The following AFG2A variants were observed in gnomAD, a reference collection of about 807,000 sequenced individuals.
AFG2A encodes the protein AAA ATPase AFG2A.
chr4:123,027,090 A>G, the AFG2A span, among the ~76,000 whole-genome samples: 5 of 152,034 alleles, frequency 3.3e-5, no homozygotes, highest in Admixed American at 2.6e-4. Flanking sequence ...AGTTTTCAGT[A>G]TCTGCATGTG....
the AFG2A span, among the ~76,000 whole-genome samples, chr4:123,016,527 G>A: frequency 4.6e-5 from 7 of 151,380 alleles, no homozygotes; most frequent in Non-Finnish European, 7.4e-5. Flanking sequence ...GACGATGGGC[G>A]GCTGGGCAGA....
the AFG2A span, among the ~76,000 whole-genome samples, chr4:123,238,338 G>A: frequency 8.5e-5 from 13 of 152,328 alleles, no homozygotes; most frequent in Admixed American, 4.6e-4. Context: ...CTCCCAGCAC[G>A]GCATTTGAGC....
At chr4:123,111,213 T>A in the AFG2A span, among the ~76,000 whole-genome samples, 3 of 152,204 alleles carry the variant, frequency 2.0e-5, no homozygotes, top group Admixed American at 6.5e-5. Flanking sequence ...GTATTTGGCC[T>A]TATATAGCTG....
At chr4:122,991,200 G>T in the AFG2A span, among the ~76,000 whole-genome samples, 2 of 152,132 alleles carry the variant, frequency 1.3e-5, no homozygotes, top group South Asian at 2.1e-4. Context: ...TAAAAGAAAT[G>T]GAATCAGTTT....
the AFG2A span, among the ~76,000 whole-genome samples, chr4:123,308,152 A>G: frequency 1.3e-5 from 2 of 152,328 alleles, no homozygotes; most frequent in South Asian, 4.1e-4. Context: ...GCATCTCTCA[A>G]AAATAACAAA....
At chr4:122,968,250 T>A in the AFG2A span, among the ~76,000 whole-genome samples, 1 of 152,230 alleles carries the variant, frequency 6.6e-6, no homozygotes, top group Non-Finnish European at 1.5e-5. Flanking sequence ...AGTTTTTTTT[T>A]ACTTGCGCCA....
chr4:123,246,954 T>C, the AFG2A span, among the ~76,000 whole-genome samples: 1 of 152,220 alleles, frequency 6.6e-6, no homozygotes, highest in Non-Finnish European at 1.5e-5. Flanking sequence ...TGAAGCTCTT[T>C]GTTTCCAATT....
At chr4:122,949,086 A>C in the AFG2A span, among the ~76,000 whole-genome samples, 25 of 152,344 alleles carry the variant, frequency 1.6e-4, no homozygotes, top group African/African-American at 5.8e-4. Context: ...TGGGTATTTA[A>C]GGCCTGCATG....
the AFG2A span, among the ~76,000 whole-genome samples, chr4:123,281,535 G>T: frequency 6.6e-6 from 1 of 152,180 alleles, no homozygotes; most frequent in African/African-American, 2.4e-5. Flanking sequence ...CCACTGGCTA[G>T]TCACTTCACT....
At chr4:123,130,168 C>T in the AFG2A span, among the ~76,000 whole-genome samples, 1 of 121,930 alleles carries the variant, frequency 8.2e-6, no homozygotes, top group Non-Finnish European at 1.8e-5. Flanking sequence ...CCACAGTTCC[C>T]AGCTAATATA....
the AFG2A span, among the ~76,000 whole-genome samples, chr4:123,080,306 G>A: frequency 6.6e-6 from 1 of 152,234 alleles, no homozygotes; most frequent in South Asian, 2.1e-4. Context: ...TCTGCCATCT[G>A]AGGACACAGC....
At chr4:123,316,631 C>G in the AFG2A span, 3 of 152,130 alleles carry the variant, frequency 2.0e-5, no homozygotes, top group African/African-American at 7.2e-5. Context: ...TGAAAGAAAT[C>G]TCATTCCCAA....
At chr4:123,212,650 A>G in the AFG2A span, among the ~76,000 whole-genome samples, 1 of 152,122 alleles carries the variant, frequency 6.6e-6, no homozygotes, top group East Asian at 1.9e-4. Context: ...TGTAGTCCCA[A>G]ACTAAAGTAG....
At chr4:123,245,773 G>C in the AFG2A span, among the ~76,000 whole-genome samples, 1 of 152,274 alleles carries the variant, frequency 6.6e-6, no homozygotes, top group South Asian at 2.1e-4. Flanking sequence ...AAGACTGATT[G>C]ATTTATTTGT....
the AFG2A span, among the ~76,000 whole-genome samples, chr4:123,186,081 T>C: frequency 6.6e-6 from 1 of 152,166 alleles, no homozygotes; most frequent in Non-Finnish European, 1.5e-5. Flanking sequence ...AGTATATCAT[T>C]CAAAGTGCTA....
At chr4:122,934,073 T>C in the AFG2A span, 1 of 1,539,510 alleles carries the variant, frequency 6.5e-7, no homozygotes, top group South Asian at 1.3e-5. Context: ...TGCTAACATG[T>C]ATATTTAATA....
the AFG2A span, among the ~76,000 whole-genome samples, chr4:123,045,166 G>C: frequency 7.8e-6 from 1 of 128,924 alleles, no homozygotes; most frequent in African/African-American, 2.5e-5. Context: ...TTTATATTTG[G>C]ATCAAGTTTT....
chr4:122,942,467 A>T, the AFG2A span, among the ~76,000 whole-genome samples: 8 of 151,120 alleles, frequency 5.3e-5, no homozygotes, highest in African/African-American at 2.0e-4. Flanking sequence ...TTTCTGTGGG[A>T]TCGGTGCTGA....
the AFG2A span, among the ~76,000 whole-genome samples, chr4:123,118,248 CACAA>C: frequency 1.2e-3 from 112 of 96,342 alleles, 1 homozygote; most frequent in African/African-American, 3.4e-3. Flanking sequence ...AATTTTTTAA[CACAA>C]ACAAAAAAAT....
Sources: gnomAD v4.1 joint callset for allele counts (sites outside exome capture counted in the v4.1 genomes callset) on GRCh38, gnomAD v4.1.1 for gene constraint, MANE v1.5 for transcripts, NCBI Gene and HGNC (gene_info 2026-07-23, HGNC 2026-07-21) for gene names.